Variants in TADA2A observed in about 807,000 individuals in gnomAD.
TADA2A encodes transcriptional adaptor 2A.
In TADA2A, 38 loss-of-function variants were observed where a neutral mutation model predicts 67.4. The ratio of observed to expected loss-of-function variants is 0.56; its 90% confidence interval spans 0.44 to 0.74. TADA2A has a LOEUF of 0.74. Ranked by LOEUF, TADA2A falls within the 30% of genes least tolerant of loss-of-function variation. The pLI, the probability that TADA2A is intolerant of heterozygous loss-of-function variation, is 0.00. For missense variants in TADA2A, 454 were observed against 547.0 expected (o/e 0.83, Z 1.70); for synonymous variants, 192 against 181.6 (o/e 1.06, Z -0.46).
chr17:37,416,391 TAA>T (rs1031288784), intron 2 of TADA2A, among the ~76,000 whole-genome samples: 17 of 152,216 alleles, frequency 1.1e-4, no homozygotes, highest in African/African-American at 3.4e-4. Flanking sequence ...CTCAATTTTT[TAA>T]AGTTGTTTGC....
intron 10 of TADA2A, among the ~76,000 whole-genome samples, chr17:37,464,562 G>A (rs530937942): frequency 2.0e-5 from 3 of 152,140 alleles, no homozygotes; most frequent in South Asian, 2.1e-4. Flanking sequence ...TGAGGTGGCC[G>A]GGCGCGGTGG....
chr17:37,437,588 T>C lies in TADA2A; in HGVS notation c.193-150T>C, dbSNP rs192601623. ...TTTTAGTAGAGATGGAGTTTCACCA[T>C]ATTGGCCAGGCTGGTCTCGAACTCC... On this transcript the variant is annotated intron_variant, in intron 4 of 15. Transcript: ENST00000615182. 345 of 605,760 alleles carry C rather than the reference T, an allele frequency of 5.7e-4. 1 individual carries two copies. Among genetic ancestry groups the C allele is most frequent in the Admixed American group, 3.4e-3 (117 of 34,084 alleles). 37.5% of individuals were successfully genotyped at this position (605,760 alleles called of 1,614,324 possible).
intron 2 of TADA2A, among the ~76,000 whole-genome samples, chr17:37,420,683 G>A (rs1280348160): frequency 2.1e-5 from 3 of 145,648 alleles, no homozygotes; most frequent in East Asian, 2.2e-4. Flanking sequence ...TTGAGCCACC[G>A]TGCCTACTCT....
At chr17:37,458,663 G>C (rs767638783) in intron 9 of TADA2A, 76 bp downstream of exon 9, 18 of 1,222,146 alleles carry the variant, frequency 1.5e-5, no homozygotes, top group Middle Eastern at 2.6e-4. Flanking sequence ...GTGTGTGTGT[G>C]TGTGTGTGTG....
chr17:37,451,405 GCCTC>G (rs2053229739), intron 8 of TADA2A, among the ~76,000 whole-genome samples: 2 of 146,836 alleles, frequency 1.4e-5, no homozygotes, highest in Admixed American at 6.9e-5. Flanking sequence ...CACAGCCTCT[GCCTC>G]CCAGGCTATA....
chr17:37,445,039 T>C (rs1289412039), intron 8 of TADA2A, among the ~76,000 whole-genome samples: 1 of 152,190 alleles, frequency 6.6e-6, no homozygotes, highest in African/African-American at 2.4e-5. Flanking sequence ...AAATCTACAC[T>C]AAGGTAATTG....
intron 6 of TADA2A, among the ~76,000 whole-genome samples, chr17:37,441,309 A>G (rs1280346074): frequency 6.6e-6 from 1 of 152,158 alleles, no homozygotes; most frequent in Non-Finnish European, 1.5e-5. Flanking sequence ...TATGAGTGCA[A>G]GTTTTTTTTC....
rs144064854 is a variant in TADA2A at position 37,444,710 on chromosome 17, T to C, written c.546T>C (p.Tyr182=). ...RADFIEEFDN[Y]AEWDLRDIDF... The stretch of plus-strand genomic sequence containing the variant: ...CCCCTAAACAGGAATTTGACAATTA[T>C]GCAGAATGGGACTTGAGAGACATTG... Residue 182 remains tyrosine, a synonymous_variant, in exon 8 of 16, where the codon TAT becomes TAC. Transcript: ENST00000615182. 6.8e-5 allele frequency: 109 copies of C among 1,613,968 alleles called. No individual in the cohort carries two copies. Among genetic ancestry groups the C allele is most frequent in the Middle Eastern group, 1.6e-4 (1 of 6,082 alleles).
chr17:37,459,792 G>A (rs895551503), intron 9 of TADA2A, among the ~76,000 whole-genome samples: 26 of 151,508 alleles, frequency 1.7e-4, no homozygotes, highest in Non-Finnish European at 2.9e-4. Flanking sequence ...TAGACTGGGC[G>A]CGGTGGCTCA....
At chr17:37,474,728 A>G (rs1434598105) in intron 15 of TADA2A, 99 bp downstream of exon 15, 3 of 1,297,600 alleles carry the variant, frequency 2.3e-6, no homozygotes, top group Middle Eastern at 1.9e-4. Flanking sequence ...CTTTTGTTTC[A>G]TTCATCTAAC....
chr17:37,447,227 T>C (rs540066306), intron 8 of TADA2A, among the ~76,000 whole-genome samples: 1 of 152,330 alleles, frequency 6.6e-6, no homozygotes, highest in African/African-American at 2.4e-5. Context: ...AGTAGCGTGA[T>C]CTTGGCTCAC....
chr17:37,428,829 A>C (rs896244797), intron 4 of TADA2A, among the ~76,000 whole-genome samples: 1 of 151,938 alleles, frequency 6.6e-6, no homozygotes, highest in Admixed American at 6.6e-5. Flanking sequence ...GGTGGATCAC[A>C]AGGTCAGGAG....
intron 8 of TADA2A, among the ~76,000 whole-genome samples, chr17:37,458,192 C>A (rs531375379): frequency 1.4e-4 from 21 of 152,252 alleles, no homozygotes; most frequent in African/African-American, 5.1e-4. Flanking sequence ...GTTTTCTGTT[C>A]CTGTGTTAGT....
In TADA2A at chr17:37,422,030, C is replaced by T. The variant is rs111765521; in HGVS notation, c.26-1479C>T. Among the ~76,000 whole-genome samples the T allele has an allele frequency of 2.2e-4, 31 of 143,804 alleles. 2 individuals carry two copies. The highest frequency in any genetic ancestry group is 6.3e-4 in the Admixed American group (9 of 14,210). 94.3% of individuals were successfully genotyped at this position (143,804 alleles called of 152,430 possible). On this transcript the variant is annotated intron_variant, in intron 2 of 15. Transcript: ENST00000615182. ...TGTAGCTGGGACTACAGATGCATACCGCCATGCTTGGCTAATTTTTTTGTT... is the reference window on the plus strand; with the variant it reads ...TGTAGCTGGGACTACAGATGCATACTGCCATGCTTGGCTAATTTTTTTGTT...
intron 8 of TADA2A, among the ~76,000 whole-genome samples, chr17:37,451,199 TA>T (rs1029848698): frequency 1.3e-5 from 2 of 151,930 alleles, no homozygotes; most frequent in Non-Finnish European, 2.9e-5. Context: ...GGCTAATTTA[TA>T]AAAAAAATTT....
intron 1 of TADA2A, among the ~76,000 whole-genome samples, chr17:37,409,971 G>C (rs1342967408): frequency 6.6e-6 from 1 of 152,062 alleles, no homozygotes; most frequent in African/African-American, 2.4e-5. Context: ...TTCGAGACCA[G>C]CCTGGCCAAC....
intron 8 of TADA2A, among the ~76,000 whole-genome samples, chr17:37,457,103 G>T (rs2053412772): frequency 1.3e-5 from 2 of 150,896 alleles, no homozygotes; most frequent in South Asian, 4.2e-4. Flanking sequence ...TGTCTACACT[G>T]TACCTTTATT....
At chr17:37,462,548 C>T (rs1478891970) in intron 10 of TADA2A, among the ~76,000 whole-genome samples, 2 of 152,170 alleles carry the variant, frequency 1.3e-5, no homozygotes, top group African/African-American at 4.8e-5. Context: ...AGGAGAATCA[C>T]TTGAACCCAG....
chr17:37,443,456 G>T (rs553325134), intron 7 of TADA2A, among the ~76,000 whole-genome samples: 1 of 152,210 alleles, frequency 6.6e-6, no homozygotes, highest in African/African-American at 2.4e-5. Context: ...GTTTCACCAT[G>T]TTGGCCAGGC....
Sources: allele counts gnomAD v4.1 joint callset (sites outside exome capture counted in the v4.1 genomes callset), GRCh38; gene constraint gnomAD v4.1.1; transcripts MANE v1.5; gene names NCBI Gene and HGNC (gene_info 2026-07-23, HGNC 2026-07-21).